ADAP2: variants seen among roughly 807,000 people sequenced by gnomAD.
The protein encoded by ADAP2 is ArfGAP with dual PH domains 2.
In ADAP2, 42 loss-of-function variants were observed where a neutral mutation model predicts 54.9. That is an observed-to-expected ratio of 0.77 (90% CI 0.60 to 0.99). ADAP2 has a LOEUF of 0.99. Among genes scored for constraint, ADAP2 ranks in the 50% least tolerant of loss-of-function variants. The pLI, the probability that ADAP2 is intolerant of heterozygous loss-of-function variation, is 0.00. For synonymous variants in ADAP2, 177 were observed against 180.1 expected (o/e 0.98, Z 0.14); for missense variants, 429 against 480.4 (o/e 0.89, Z 1.00).
At chr17:30,945,609 A>G (rs988001353) in intron 6 of ADAP2, among the ~76,000 whole-genome samples, 14 of 151,930 alleles carry the variant, frequency 9.2e-5, no homozygotes, top group African/African-American at 3.4e-4. Flanking sequence ...CTCCAAAATT[A>G]GCTAAGCATG....
intron 10 of ADAP2, chr17:30,956,742 C>T (rs865945226): frequency 6.2e-6 from 3 of 480,646 alleles, no homozygotes; most frequent in African/African-American, 3.9e-5. Flanking sequence ...CTGTCTGTAC[C>T]CCTTGCGGTG....
chr17:30,937,278 A>G (rs567387628), intron 5 of ADAP2, among the ~76,000 whole-genome samples: 14 of 149,740 alleles, frequency 9.3e-5, no homozygotes, highest in Admixed American at 3.3e-4. Flanking sequence ...TTGAAGTGCA[A>G]TGGTGTGATC....
At chr17:30,944,590 G>T (rs1318369586) in intron 5 of ADAP2, among the ~76,000 whole-genome samples, 1 of 152,192 alleles carries the variant, frequency 6.6e-6, no homozygotes, top group Non-Finnish European at 1.5e-5. Context: ...CTTCCGAGTT[G>T]TTGGGATTAC....
At chr17:30,931,675 G>C (rs1384540822) in intron 3 of ADAP2, among the ~76,000 whole-genome samples, 1 of 151,872 alleles carries the variant, frequency 6.6e-6, no homozygotes, top group African/African-American at 2.4e-5. Context: ...TTAAAAATTA[G>C]CCAGGTGTGG....
chr17:30,954,127 C>G (rs1305664582), intron 8 of ADAP2: 1 of 198,036 alleles, frequency 5.0e-6, no homozygotes, highest in Non-Finnish European at 1.1e-5. Flanking sequence ...TTGGCCAAGG[C>G]CAGCACTTTC....
At chr17:30,945,188 T>A in intron 6 of ADAP2, 135 bp downstream of exon 6, 1 of 1,047,882 alleles carries the variant, frequency 9.5e-7, no homozygotes, top group Non-Finnish European at 1.4e-6. Context: ...TTTGCCTTAA[T>A]CTATCATTGC....
chr17:30,932,220 T>C (rs1911542803), intron 4 of ADAP2, among the ~76,000 whole-genome samples: 1 of 149,066 alleles, frequency 6.7e-6, no homozygotes, highest in African/African-American at 2.5e-5. Context: ...GTCACAAGTG[T>C]GTACAGACTC....
intron 6 of ADAP2, among the ~76,000 whole-genome samples, chr17:30,948,654 A>G (rs574061384): frequency 2.0e-5 from 3 of 152,256 alleles, no homozygotes; most frequent in Admixed American, 6.5e-5. Flanking sequence ...AGCTAGATAC[A>G]TGGTTGTCTA....
At chr17:30,951,509 A>G (rs867123713) in intron 7 of ADAP2, among the ~76,000 whole-genome samples, 3 of 151,700 alleles carry the variant, frequency 2.0e-5, no homozygotes, top group Non-Finnish European at 2.9e-5. Flanking sequence ...TTTTTTTTTA[A>G]TTTTTTATAG....
At chr17:30,949,748 CAAAAAAAA>C (rs34131343) in intron 7 of ADAP2, among the ~76,000 whole-genome samples, 1 of 62,002 alleles carries the variant, frequency 1.6e-5, no homozygotes, top group Admixed American at 1.8e-4. Context: ...GACTCCGTCT[CAAAAAAAA>C]AAAAAAAAAA....
chr17:30,950,681 G>A (rs1904562983), intron 7 of ADAP2, among the ~76,000 whole-genome samples: 1 of 152,188 alleles, frequency 6.6e-6, no homozygotes, highest in Admixed American at 6.5e-5. Flanking sequence ...CAGTTGTCTG[G>A]AATAGGGTCC....
chr17:30,941,591 A>C (rs958802309), intron 5 of ADAP2, among the ~76,000 whole-genome samples: 3 of 152,234 alleles, frequency 2.0e-5, no homozygotes, highest in Non-Finnish European at 4.4e-5. Flanking sequence ...GACATGTTAT[A>C]ACAAGTTAGT....
intron 2 of ADAP2, among the ~76,000 whole-genome samples, chr17:30,925,494 T>C (rs1369796066): frequency 6.6e-6 from 1 of 152,034 alleles, no homozygotes; most frequent in Non-Finnish European, 1.5e-5. Flanking sequence ...CCCAATCCTC[T>C]GTTATATTTC....
At chr17:30,946,916 C>T (rs1912721579) in intron 6 of ADAP2, among the ~76,000 whole-genome samples, 1 of 152,140 alleles carries the variant, frequency 6.6e-6, no homozygotes, top group Non-Finnish European at 1.5e-5. Flanking sequence ...CACCATGGCC[C>T]TAGCCCCCTC....
chr17:30,927,343 G>A (rs1233148285), intron 3 of ADAP2, among the ~76,000 whole-genome samples: 1 of 152,110 alleles, frequency 6.6e-6, no homozygotes, highest in African/African-American at 2.4e-5. Context: ...GCCAGGCACG[G>A]TGGCTCAGGC....
chr17:30,944,814 A>T (rs2232272), intron 5 of ADAP2, 93 bp from the exon 6 acceptor site: 22,868 of 1,278,114 alleles, frequency 0.018, 339 homozygotes, highest in South Asian at 0.051. Context: ...ATATTTACAG[A>T]TTGATGCTTG....
chr17:30,941,991 C>T (rs952313639), intron 5 of ADAP2, among the ~76,000 whole-genome samples: 13 of 151,924 alleles, frequency 8.6e-5, no homozygotes, highest in African/African-American at 2.7e-4. Flanking sequence ...CTGCAGCCTC[C>T]GCCTCCTGGG....
At chr17:30,923,693 C>CTTTTTTTTTTTTTTTTTTTTTTT (rs1013811428) in intron 2 of ADAP2, among the ~76,000 whole-genome samples, 1 of 92,410 alleles carries the variant, frequency 1.1e-5, no homozygotes, top group Non-Finnish European at 2.0e-5. Flanking sequence ...TTCTTTCTTC[C>CTTTTTTTTTTTTTTTTTTTTTTT]TTTTTTTTTT....
Position 30,950,439 on chromosome 17 carries a change from T to C in ADAP2, c.741+1069T>C, listed in dbSNP as rs886370349. Among the ~76,000 whole-genome samples, 8 of 152,164 alleles carry C rather than the reference T, an allele frequency of 5.3e-5. No individual in the cohort carries two copies. In the South Asian group the frequency reaches 8.3e-4, roughly 16 times the overall value. On this transcript the variant is annotated intron_variant, in intron 7 of 10. Transcript: ENST00000330889. Reference sequence around the variant, plus strand: ...TGACCCCTGCAGGTCCTGGCACCCCTCTGAGCTTCTATTTCCATATGGGTA... The same window carrying C: ...TGACCCCTGCAGGTCCTGGCACCCCCCTGAGCTTCTATTTCCATATGGGTA...
Sources: gnomAD v4.1 joint callset for allele counts (sites outside exome capture counted in the v4.1 genomes callset) on GRCh38, gnomAD v4.1.1 for gene constraint, MANE v1.5 for transcripts, NCBI Gene and HGNC (gene_info 2026-07-23, HGNC 2026-07-21) for gene names.